CHLSN: variants seen among roughly 807,000 people sequenced by gnomAD.
The protein encoded by CHLSN is protein cholesin.
the CHLSN span, among the ~76,000 whole-genome samples, chr7:996,731 G>A: frequency 3.3e-5 from 5 of 152,268 alleles, no homozygotes; most frequent in East Asian, 1.9e-4. Context: ...CAGGGACCAC[G>A]TGCTGCTGGG....
the CHLSN span, among the ~76,000 whole-genome samples, chr7:1,070,594 A>G: frequency 7.5e-6 from 1 of 134,060 alleles, no homozygotes; most frequent in African/African-American, 2.9e-5. Flanking sequence ...ACGGACACGC[A>G]CACACATGCA....
At chr7:1,124,954 C>G in the CHLSN span, among the ~76,000 whole-genome samples, 1 of 152,148 alleles carries the variant, frequency 6.6e-6, no homozygotes, top group Non-Finnish European at 1.5e-5. Context: ...GACAAGCTGT[C>G]TGGCTGTGCT....
the CHLSN span, among the ~76,000 whole-genome samples, chr7:999,776 A>G: frequency 1.3e-5 from 2 of 152,224 alleles, no homozygotes; most frequent in Admixed American, 1.3e-4. Flanking sequence ...CAGGAGAGCC[A>G]GCGAGGCAGG....
At chr7:994,100 T>A in the CHLSN span, among the ~76,000 whole-genome samples, 1 of 152,200 alleles carries the variant, frequency 6.6e-6, no homozygotes, top group African/African-American at 2.4e-5. Flanking sequence ...CCACAGGCAA[T>A]GTGATTCTGA....
chr7:1,018,736 G>C, the CHLSN span, among the ~76,000 whole-genome samples: 2 of 152,002 alleles, frequency 1.3e-5, no homozygotes, highest in African/African-American at 4.8e-5. Flanking sequence ...AGTGAGCTGT[G>C]ATCACACCAC....
chr7:1,069,375 TCTCCCCTCTCCCCA>T, the CHLSN span, among the ~76,000 whole-genome samples: 12,895 of 136,558 alleles, frequency 0.094, 698 homozygotes, highest in South Asian at 0.13. Context: ...CCCTCTCCCC[TCTCCCCTCTCCCCA>T]CGGTCTCCCT....
At chr7:1,118,737 G>A in the CHLSN span, among the ~76,000 whole-genome samples, 2 of 131,080 alleles carry the variant, frequency 1.5e-5, no homozygotes, top group African/African-American at 5.8e-5. Context: ...TGAGGAGGGA[G>A]AATCACTTGA....
At chr7:998,580 G>C in the CHLSN span, among the ~76,000 whole-genome samples, 1 of 151,636 alleles carries the variant, frequency 6.6e-6, no homozygotes, top group Non-Finnish European at 1.5e-5. Flanking sequence ...AAGTAGCTGG[G>C]ATTATAGGCA....
At chr7:1,089,777 C>T in the CHLSN span, among the ~76,000 whole-genome samples, 99,586 of 147,552 alleles carry the variant, frequency 0.67, 34,642 homozygotes, top group African/African-American at 0.85. Context: ...TCTGGTTTTG[C>T]AGCACTTCAA....
At chr7:978,550 C>T in the CHLSN span, among the ~76,000 whole-genome samples, 6 of 152,154 alleles carry the variant, frequency 3.9e-5, no homozygotes, top group African/African-American at 7.2e-5. Context: ...GAGGAGGGAA[C>T]GAACCTTGTT....
chr7:1,099,399 G>A, the CHLSN span, among the ~76,000 whole-genome samples: 4 of 152,250 alleles, frequency 2.6e-5, no homozygotes, highest in Non-Finnish European at 5.9e-5. Flanking sequence ...CACACACTTC[G>A]TTAGCAGCCA....
the CHLSN span, among the ~76,000 whole-genome samples, chr7:1,018,693 G>A: frequency 1.2e-4 from 19 of 152,188 alleles, no homozygotes; most frequent in Non-Finnish European, 2.1e-4. Context: ...GCCAAGGTGG[G>A]AGGCTGGCTT....
At chr7:1,006,831 G>A in the CHLSN span, among the ~76,000 whole-genome samples, 2 of 152,132 alleles carry the variant, frequency 1.3e-5, no homozygotes, top group Non-Finnish European at 2.9e-5. Context: ...CCCACCCTCT[G>A]GACCCTCCTC....
the CHLSN span, among the ~76,000 whole-genome samples, chr7:1,121,540 T>C: frequency 6.6e-6 from 1 of 152,334 alleles, no homozygotes; most frequent in Admixed American, 6.5e-5. Context: ...TAATACACAC[T>C]GATTTTCAAG....
chr7:984,342 C>G, the CHLSN span: 1 of 1,489,710 alleles, frequency 6.7e-7, no homozygotes, highest in Non-Finnish European at 8.8e-7. Context: ...AGCACAGGCC[C>G]GGCCTGAGGG....
At chr7:1,058,005 C>T in the CHLSN span, 10 of 770,024 alleles carry the variant, frequency 1.3e-5, no homozygotes, top group Admixed American at 5.1e-5. Flanking sequence ...CTCCTCGCTG[C>T]TCTTCTACAT....
At chr7:993,202 C>T in the CHLSN span, among the ~76,000 whole-genome samples, 1 of 152,178 alleles carries the variant, frequency 6.6e-6, no homozygotes, top group African/African-American at 2.4e-5. Context: ...CTGACCCAGA[C>T]AGGGCAGGGG....
chr7:1,032,611 C>T, the CHLSN span, among the ~76,000 whole-genome samples: 5 of 147,038 alleles, frequency 3.4e-5, no homozygotes, highest in Non-Finnish European at 4.5e-5. Context: ...CCTCAGAGGC[C>T]GCAGCCACCC....
chr7:1,041,214 CGGGACCTGGGCTCCGCGCTGCGGGGAAG>C, the CHLSN span, among the ~76,000 whole-genome samples: 334 of 107,254 alleles, frequency 3.1e-3, 13 homozygotes, highest in Middle Eastern at 0.028. Context: ...CTGCAGGGAA[CGGGACCTGGGCTCCGCGCTGCGGGGAAG>C]GGGACCTGGG....
Sources: allele counts gnomAD v4.1 joint callset (sites outside exome capture counted in the v4.1 genomes callset), GRCh38; gene constraint gnomAD v4.1.1; transcripts MANE v1.5; gene names NCBI Gene and HGNC (gene_info 2026-07-23, HGNC 2026-07-21).